Variants in C1orf54 observed in about 807,000 individuals in gnomAD.
The protein encoded by C1orf54 is chromosome 1 open reading frame 54.
A neutral mutation model predicts 14.7 loss-of-function variants in C1orf54; 12 were observed. The observed-to-expected ratio is 0.82, with a 90% CI of 0.52 to 1.32. The LOEUF (loss-of-function observed/expected upper bound fraction) is 1.32. C1orf54 is among the 40% of genes most tolerant of loss of function. The probability of loss-of-function intolerance (pLI) is 0.00; values close to 1 mark genes in which losing one functional copy is unlikely to be tolerated. For synonymous variants in C1orf54, 65 were observed against 56.3 expected, an observed-to-expected ratio of 1.16 and a Z score of -0.70; for missense variants, 163 against 162.2, an observed-to-expected ratio of 1.00 and a Z score of -0.03.
intron 4 of C1orf54, among the ~76,000 whole-genome samples, chr1:150,278,915 G>C (rs983732896): frequency 2.6e-5 from 4 of 152,242 alleles, no homozygotes. Flanking sequence ...GTTGAGCACA[G>C]ATGAAAGAAG....
intron 5 of C1orf54, among the ~76,000 whole-genome samples, chr1:150,280,166 G>A (rs587610104): frequency 6.6e-6 from 1 of 152,370 alleles, no homozygotes; most frequent in South Asian, 2.1e-4. Flanking sequence ...GGAGGCTGCA[G>A]TGAGCCATGA....
chr1:150,275,043 A>AT (rs1560042632), intron 2 of C1orf54, among the ~76,000 whole-genome samples: 12,808 of 54,740 alleles, frequency 0.23, 706 homozygotes, highest in Non-Finnish European at 0.27. Flanking sequence ...TAGAAAAAAA[A>AT]ATTTTTTTTT....
chr1:150,278,412 G>A (rs1652839447), intron 4 of C1orf54, among the ~76,000 whole-genome samples: 1 of 152,178 alleles, frequency 6.6e-6, no homozygotes, highest in Non-Finnish European at 1.5e-5. Context: ...TAATGGCCAA[G>A]CTGAGTTTAT....
At chr1:150,269,758 G>A (rs1553850892), upstream of C1orf54, among the ~76,000 whole-genome samples, 3 of 151,934 alleles carry the variant, frequency 2.0e-5, no homozygotes, top group Non-Finnish European at 4.4e-5. Context: ...TTGTATATTA[G>A]AGTGAATGAA....
chr1:150,270,514 G>A (rs587762622), upstream of C1orf54, among the ~76,000 whole-genome samples: 46 of 152,026 alleles, frequency 3.0e-4, no homozygotes, highest in African/African-American at 1.1e-3. Context: ...ATGGTGGTGC[G>A]CACCTGTAGT....
rs1197074668 is a variant in C1orf54 at position 150,276,726 on chromosome 1, G to A, written c.300+94G>A. 4.0e-6 allele frequency: 4 copies of A among 990,272 alleles called. No individual in the cohort carries two copies. The African/African-American group carries it at 6.4e-5, about 16-fold the overall frequency. The allele number at this position is 990,272 out of a possible 1,614,324, so 61.3% of individuals were successfully genotyped here. A position where few individuals can be genotyped will look rare whatever the true frequency, so the allele number is the denominator to read the frequency against. On this transcript the variant is annotated intron_variant, in intron 4 of 5. Coordinates refer to ENST00000369099, the MANE Select transcript of C1orf54 (RefSeq NM_024579.4). ...GCTGGAATACCAGGCTTTGGTGGATGGGAGAACCAAATAATTAGTACTTCA... is the reference window on the plus strand; with the variant it reads ...GCTGGAATACCAGGCTTTGGTGGATAGGAGAACCAAATAATTAGTACTTCA...
At chr1:150,271,387 G>A (rs1021568700), upstream of C1orf54, among the ~76,000 whole-genome samples, 54 of 152,206 alleles carry the variant, frequency 3.5e-4, no homozygotes, top group African/African-American at 1.2e-3. Context: ...GATTACAGGC[G>A]TGAGCCACTG....
chr1:150,271,319 G>T (rs1652193461), upstream of C1orf54, among the ~76,000 whole-genome samples: 1 of 152,076 alleles, frequency 6.6e-6, no homozygotes, highest in Non-Finnish European at 1.5e-5. Context: ...CACCATGTTG[G>T]CCAGGCTGAT....
At chr1:150,273,491 C>T (rs991880069) in intron 1 of C1orf54, among the ~76,000 whole-genome samples, 2 of 152,156 alleles carry the variant, frequency 1.3e-5, no homozygotes, top group African/African-American at 4.8e-5. Context: ...GTTCTTGATC[C>T]AGTCATATCA....
upstream of C1orf54, chr1:150,272,761 G>A: frequency 6.3e-7 from 1 of 1,585,672 alleles, no homozygotes; most frequent in Non-Finnish European, 8.7e-7. Flanking sequence ...GGGTAAGTTT[G>A]GTGGGAAACT....
chr1:150,272,611 C>G (rs1652289535), upstream of C1orf54: 2 of 591,744 alleles, frequency 3.4e-6, no homozygotes, highest in African/African-American at 3.7e-5. Context: ...CCCCTTTTGC[C>G]TCTCAATCTG....
upstream of C1orf54, chr1:150,272,539 G>C (rs115108316): frequency 3.5e-3 from 1,383 of 392,554 alleles, 17 homozygotes; most frequent in African/African-American, 0.022. Flanking sequence ...AGTGACAGTG[G>C]GAGTCTTGAA....
intron 1 of C1orf54, among the ~76,000 whole-genome samples, chr1:150,273,135 G>A (rs1482684150): frequency 6.6e-6 from 1 of 152,154 alleles, no homozygotes; most frequent in Non-Finnish European, 1.5e-5. Context: ...CCATCACCAC[G>A]GAAGTTGAAC....
At chr1:150,270,784 C>G (rs1163699674), upstream of C1orf54, among the ~76,000 whole-genome samples, 5 of 151,878 alleles carry the variant, frequency 3.3e-5, no homozygotes, top group Non-Finnish European at 7.4e-5. Flanking sequence ...ATCACGAGGT[C>G]AGGAGATCGA....
chr1:150,275,205 A>AT (rs1652546983), intron 2 of C1orf54, among the ~76,000 whole-genome samples: 1 of 151,774 alleles, frequency 6.6e-6, no homozygotes, highest in South Asian at 2.1e-4. Flanking sequence ...TGCCCGGCTA[A>AT]TTTTGTATCT....
chr1:150,278,377 T>C (rs587670764), intron 4 of C1orf54, among the ~76,000 whole-genome samples: 1 of 152,206 alleles, frequency 6.6e-6, no homozygotes, highest in South Asian at 2.1e-4. Flanking sequence ...GCCAGAGTGG[T>C]TTAGGACAGA....
chr1:150,272,012 C>T (rs1436978511), upstream of C1orf54, among the ~76,000 whole-genome samples: 5 of 152,160 alleles, frequency 3.3e-5, no homozygotes, highest in Non-Finnish European at 5.9e-5. Context: ...TGGTGGCACG[C>T]GCCTGTAGTC....
At chr1:150,278,845 A>C (rs1420442496) in intron 4 of C1orf54, among the ~76,000 whole-genome samples, 1 of 152,210 alleles carries the variant, frequency 6.6e-6, no homozygotes, top group Non-Finnish European at 1.5e-5. Context: ...AAAATCTGGT[A>C]ATGAAAAAGA....
chr1:150,278,054 G>A (rs1159124360), intron 4 of C1orf54, among the ~76,000 whole-genome samples: 1 of 151,980 alleles, frequency 6.6e-6, no homozygotes, highest in Non-Finnish European at 1.5e-5. Context: ...CCGAAATCGC[G>A]CTATTGCACT....
Sources: allele counts gnomAD v4.1 joint callset (sites outside exome capture counted in the v4.1 genomes callset), GRCh38; gene constraint gnomAD v4.1.1; transcripts MANE v1.5; gene names NCBI Gene and HGNC (gene_info 2026-07-23, HGNC 2026-07-21).